The following SLC4A4 variants were observed in gnomAD, a reference collection of about 807,000 sequenced individuals.
SLC4A4 encodes solute carrier family 4 member 4, also known as electrogenic sodium bicarbonate cotransporter 1.
SLC4A4 carries 27 observed loss-of-function variants against 111.5 expected under a neutral mutation model. The observed-to-expected ratio is 0.24, with a 90% CI of 0.18 to 0.33. The LOEUF is 0.33. Ranked by LOEUF, SLC4A4 falls within the 10% of genes least tolerant of loss-of-function variation. The pLI is 1.00. For missense variants in SLC4A4, 909 were observed against 1,315.5 expected, an observed-to-expected ratio of 0.69 and a Z score of 4.78; for synonymous variants, 443 against 463.4, an observed-to-expected ratio of 0.96 and a Z score of 0.57.
intron 6 of SLC4A4, among the ~76,000 whole-genome samples, chr4:71,396,917 G>A (rs1719866717): frequency 6.6e-6 from 1 of 152,142 alleles, no homozygotes; most frequent in Non-Finnish European, 1.5e-5. Flanking sequence ...GGGGAAAAGA[G>A]GATATACTTA....
intron 3 of SLC4A4, among the ~76,000 whole-genome samples, chr4:71,294,887 C>T (rs75254519): frequency 0.018 from 2,758 of 152,150 alleles, 86 homozygotes; most frequent in African/African-American, 0.062. Context: ...CATAAGTCAC[C>T]AGTCAAAAAG....
At chr4:71,476,367 A>G (rs1274568358) in intron 14 of SLC4A4, among the ~76,000 whole-genome samples, 1 of 151,764 alleles carries the variant, frequency 6.6e-6, no homozygotes, top group Non-Finnish European at 1.5e-5. Flanking sequence ...CTGGCCTTTC[A>G]TCACAACGTG....
chr4:71,129,140 T>C (rs1269744668), intron 2 of SLC4A4, among the ~76,000 whole-genome samples: 1 of 152,194 alleles, frequency 6.6e-6, no homozygotes, highest in Non-Finnish European at 1.5e-5. Context: ...AAAGAGCTTT[T>C]GCACAGCAAC....
At chr4:71,349,883 A>G in intron 4 of SLC4A4, 29 bp from the exon 5 acceptor site, 1 of 1,612,918 alleles carries the variant, frequency 6.2e-7, no homozygotes, top group Non-Finnish European at 8.5e-7. Context: ...AACACTTTTA[A>G]TTGCTCTTCA....
At chr4:71,306,010 G>T (rs1481900081) in intron 3 of SLC4A4, among the ~76,000 whole-genome samples, 1 of 152,172 alleles carries the variant, frequency 6.6e-6, no homozygotes, top group African/African-American at 2.4e-5. Context: ...ACACATAGTA[G>T]GCACTCAGTA....
At chr4:71,148,004 C>T (rs999257122) in intron 2 of SLC4A4, among the ~76,000 whole-genome samples, 1 of 152,102 alleles carries the variant, frequency 6.6e-6, no homozygotes, top group South Asian at 2.1e-4. Context: ...CCTTGCCCTC[C>T]AAAGTTCAGG....
intron 4 of SLC4A4, among the ~76,000 whole-genome samples, chr4:71,345,463 C>T (rs996752236): frequency 2.6e-5 from 4 of 152,232 alleles, no homozygotes; most frequent in Admixed American, 6.5e-5. Flanking sequence ...ACTCCCCCAG[C>T]GTAATTCAAA....
intron 3 of SLC4A4, among the ~76,000 whole-genome samples, chr4:71,261,392 T>C (rs1394616333): frequency 2.6e-4 from 39 of 152,220 alleles, no homozygotes. Context: ...TCTGGCTCTT[T>C]CTTTGTGTTT....
intron 2 of SLC4A4, among the ~76,000 whole-genome samples, chr4:71,127,333 C>T (rs1227016863): frequency 6.6e-6 from 1 of 152,156 alleles, no homozygotes; most frequent in Non-Finnish European, 1.5e-5. Context: ...CGAAGTCAAA[C>T]AGCTACACAT....
intron 2 of SLC4A4, among the ~76,000 whole-genome samples, chr4:71,238,624 G>A (rs1156268479): frequency 6.6e-6 from 1 of 152,126 alleles, no homozygotes; most frequent in Non-Finnish European, 1.5e-5. Flanking sequence ...GATAGTTGCC[G>A]GTTGCTGAGT....
At chr4:71,355,758 C>T (rs1051331431) in intron 5 of SLC4A4, among the ~76,000 whole-genome samples, 8 of 152,194 alleles carry the variant, frequency 5.3e-5, no homozygotes, top group African/African-American at 1.7e-4. Flanking sequence ...AAGCAAAACC[C>T]GTTGAACATC....
chr4:71,328,064 C>T (rs1368810038), intron 3 of SLC4A4, among the ~76,000 whole-genome samples: 1 of 151,972 alleles, frequency 6.6e-6, no homozygotes, highest in African/African-American at 2.4e-5. Context: ...TTAGTTTCCA[C>T]AAATAAGTGA....
At chr4:71,477,977 T>G (rs1479428664) in intron 14 of SLC4A4, among the ~76,000 whole-genome samples, 1 of 151,932 alleles carries the variant, frequency 6.6e-6, no homozygotes, top group Non-Finnish European at 1.5e-5. Flanking sequence ...CAGACACTTC[T>G]TGAAAGAAAT....
At chr4:71,085,588 G>A (rs964445086) in intron 1 of SLC4A4, among the ~76,000 whole-genome samples, 1 of 151,872 alleles carries the variant, frequency 6.6e-6, no homozygotes, top group African/African-American at 2.4e-5. Flanking sequence ...TTGTATAAGG[G>A]GTAAGGAAGG....
intron 3 of SLC4A4, among the ~76,000 whole-genome samples, chr4:71,314,231 A>T (rs995837625): frequency 6.6e-6 from 1 of 152,228 alleles, no homozygotes; most frequent in Admixed American, 6.5e-5. Context: ...ATACCATCTC[A>T]TGCCAGTTAG....
chr4:71,332,950 G>A (rs561244949), intron 3 of SLC4A4, among the ~76,000 whole-genome samples: 9 of 152,198 alleles, frequency 5.9e-5, no homozygotes, highest in South Asian at 2.1e-4. Context: ...TTGAGCTTCC[G>A]CAAAACAGCT....
intron 13 of SLC4A4, among the ~76,000 whole-genome samples, chr4:71,468,568 A>G (rs1442726095): frequency 6.6e-6 from 1 of 152,018 alleles, no homozygotes; most frequent in African/African-American, 2.4e-5. Flanking sequence ...CTTTAAATCC[A>G]TCACTTAGTA....
chr4:71,507,512 G>C (rs577440245), intron 16 of SLC4A4, among the ~76,000 whole-genome samples: 1 of 152,272 alleles, frequency 6.6e-6, no homozygotes, highest in African/African-American at 2.4e-5. Flanking sequence ...TTACATAATG[G>C]TAAAGGGTTC....
intron 2 of SLC4A4, among the ~76,000 whole-genome samples, chr4:71,140,309 T>C (rs62302399): frequency 0.053 from 8,136 of 152,136 alleles, 311 homozygotes; most frequent in Admixed American, 0.082. Context: ...AAGTCCCAGC[T>C]ACTCAGGAGG....
Sources: allele counts gnomAD v4.1 joint callset (sites outside exome capture counted in the v4.1 genomes callset), GRCh38; gene constraint gnomAD v4.1.1; transcripts MANE v1.5; gene names NCBI Gene and HGNC (gene_info 2026-07-23, HGNC 2026-07-21).